BMPR1B: variants seen among roughly 807,000 people sequenced by gnomAD.
The protein encoded by BMPR1B is bone morphogenetic protein receptor type-1B.
BMPR1B carries 12 observed loss-of-function variants against 59.1 expected under a neutral mutation model. That is an observed-to-expected ratio of 0.20 (90% CI 0.13 to 0.33). The LOEUF (loss-of-function observed/expected upper bound fraction) is 0.33, where lower values mean the gene tolerates loss of function less well. Among genes scored for constraint, BMPR1B ranks in the 10% least tolerant of loss-of-function variants. BMPR1B has a pLI of 1.00. For synonymous variants in BMPR1B, 237 were observed against 207.3 expected (o/e 1.14, Z -1.23); for missense variants, 550 against 610.9 (o/e 0.90, Z 1.05).
At chr4:94,853,600 G>A (rs1725643744) in intron 1 of BMPR1B, among the ~76,000 whole-genome samples, 1 of 152,026 alleles carries the variant, frequency 6.6e-6, no homozygotes, top group African/African-American at 2.4e-5. Context: ...TTCAAAATAA[G>A]CTTTGTTGTT....
At chr4:94,912,810 GT>G (rs1474388330) in intron 2 of BMPR1B, among the ~76,000 whole-genome samples, 19 of 152,096 alleles carry the variant, frequency 1.2e-4, no homozygotes, top group Non-Finnish European at 4.4e-5. Context: ...TGATTTGAGT[GT>G]TATTACAACT....
chr4:94,963,759 A>G (rs1447317320), intron 2 of BMPR1B, among the ~76,000 whole-genome samples: 1 of 152,066 alleles, frequency 6.6e-6, no homozygotes, highest in Non-Finnish European at 1.5e-5. Context: ...ATAATTTGAA[A>G]TCAGGTAACG....
intron 1 of BMPR1B, among the ~76,000 whole-genome samples, chr4:94,839,988 T>A (rs1219371671): frequency 6.7e-6 from 1 of 148,724 alleles, no homozygotes; most frequent in Non-Finnish European, 1.5e-5. Context: ...ATTTGCTTGT[T>A]TGTAAAGTAT....
intron 2 of BMPR1B, among the ~76,000 whole-genome samples, chr4:94,987,099 CTATATATGTATATATAATATGTATATA>C (rs1217204768): frequency 7.0e-6 from 1 of 143,686 alleles, no homozygotes; most frequent in Non-Finnish European, 1.5e-5. Flanking sequence ...ATTATATATA[CTATATATGTATATATAATATGTATATA>C]TGTATATGTA....
intron 3 of BMPR1B, among the ~76,000 whole-genome samples, chr4:95,097,008 TTGTA>T (rs1214451379): frequency 6.9e-6 from 1 of 144,404 alleles, no homozygotes; most frequent in Admixed American, 7.1e-5. Flanking sequence ...ATGATATAAA[TTGTA>T]TATTATATAT....
chr4:94,960,082 G>A (rs1300405164), intron 2 of BMPR1B, among the ~76,000 whole-genome samples: 2 of 151,638 alleles, frequency 1.3e-5, no homozygotes, highest in African/African-American at 2.4e-5. Flanking sequence ...AGAACTATCC[G>A]GGATGCTTTT....
chr4:94,777,014 A>G (rs776953197), intron 1 of BMPR1B, among the ~76,000 whole-genome samples: 5 of 152,044 alleles, frequency 3.3e-5, no homozygotes, highest in Non-Finnish European at 7.4e-5. Context: ...ATCATTACAT[A>G]TTTTTCAAAA....
intron 2 of BMPR1B, among the ~76,000 whole-genome samples, chr4:94,977,073 T>C (rs1299177874): frequency 6.6e-6 from 1 of 152,230 alleles, no homozygotes; most frequent in Admixed American, 6.5e-5. Context: ...TTTTAAAATT[T>C]TGAGGGTGTC....
rs576616349 is a variant in BMPR1B at position 94,860,974 on chromosome 4, T to A, written c.-182-14857T>A. The stretch of plus-strand genomic sequence containing the variant: ...TCTTGAGGTAGTATAGTGCTGTGAT[T>A]AAGATAAAAGTTGGCTTTTATATGT... On this transcript the variant is annotated intron_variant, in intron 1 of 12. Transcript: ENST00000515059. 5.2e-3 allele frequency among the ~76,000 whole-genome samples: 689 copies of A among 133,258 alleles called. 16 individuals are homozygous for A. Among genetic ancestry groups the A allele is most frequent in the Middle Eastern group, 7.0e-3 (2 of 284 alleles). The allele number at this position is 133,258 out of a possible 152,430, so 87.4% of individuals were successfully genotyped here. A position where few individuals can be genotyped will look rare whatever the true frequency, so the allele number is the denominator to read the frequency against.
At chr4:94,923,316 C>A (rs1483915107) in intron 2 of BMPR1B, among the ~76,000 whole-genome samples, 1 of 152,028 alleles carries the variant, frequency 6.6e-6, no homozygotes, top group African/African-American at 2.4e-5. Flanking sequence ...TAGTACCTAT[C>A]CCACAGTCAC....
chr4:94,798,720 C>A (rs773222699), intron 1 of BMPR1B, among the ~76,000 whole-genome samples: 3 of 152,078 alleles, frequency 2.0e-5, no homozygotes, highest in Non-Finnish European at 2.9e-5. Context: ...AATCAGGGCT[C>A]TGATAAACTG....
At chr4:95,084,936 A>T (rs762615782) in intron 3 of BMPR1B, among the ~76,000 whole-genome samples, 1 of 152,154 alleles carries the variant, frequency 6.6e-6, no homozygotes, top group Non-Finnish European at 1.5e-5. Flanking sequence ...TGATTCCTAC[A>T]CCTGCTTGGA....
intron 8 of BMPR1B, among the ~76,000 whole-genome samples, chr4:95,128,965 AT>A (rs570085695): frequency 1.9e-4 from 28 of 146,696 alleles, no homozygotes; most frequent in Admixed American, 1.2e-3. Flanking sequence ...CTCTCCCTCC[AT>A]TTTTTTTTGT....
intron 3 of BMPR1B, among the ~76,000 whole-genome samples, chr4:95,096,830 TTATA>T (rs1730435474): frequency 7.1e-6 from 1 of 140,914 alleles, no homozygotes; most frequent in Non-Finnish European, 1.5e-5. Context: ...ATATTTATAT[TTATA>T]TATAAATATA....
chr4:94,882,809 T>G (rs184466721), intron 2 of BMPR1B, among the ~76,000 whole-genome samples: 1 of 152,308 alleles, frequency 6.6e-6, no homozygotes, highest in East Asian at 1.9e-4. Flanking sequence ...GTTTTCATGG[T>G]TTCAAATGTG....
chr4:94,840,060 T>G (rs1322866025), intron 1 of BMPR1B, among the ~76,000 whole-genome samples: 1 of 151,750 alleles, frequency 6.6e-6, no homozygotes, highest in Admixed American at 6.6e-5. Context: ...TGTTGAACAT[T>G]CTTTTCTTTA....
At position 94,908,872 on chromosome 4, in the gene BMPR1B, C is replaced by T. The variant is rs568345875; in HGVS notation, c.-113+32972C>T. 4.0e-4 allele frequency among the ~76,000 whole-genome samples: 61 copies of T among 152,116 alleles called. 1 individual carries two copies. The South Asian group carries it at 0.012, about 31-fold the overall frequency. On this transcript the variant is annotated intron_variant, in intron 2 of 12. Transcript: ENST00000515059. ...CATGACCTTACTCTGTGTCACTGTC[C>T]TAGGACTGCCGTAAGAAATTACTAC...
At chr4:94,842,729 G>T (rs2148937239) in intron 1 of BMPR1B, among the ~76,000 whole-genome samples, 1 of 152,158 alleles carries the variant, frequency 6.6e-6, no homozygotes, top group East Asian at 1.9e-4. Context: ...TTGAGCTGCA[G>T]GACAATTTGA....
At chr4:95,073,209 T>C (rs1056622088) in intron 3 of BMPR1B, among the ~76,000 whole-genome samples, 2 of 152,174 alleles carry the variant, frequency 1.3e-5, no homozygotes, top group Non-Finnish European at 2.9e-5. Context: ...GATTTGTTCT[T>C]AGTAAGTTAA....
Sources: gnomAD v4.1 joint callset for allele counts (sites outside exome capture counted in the v4.1 genomes callset) on GRCh38, gnomAD v4.1.1 for gene constraint, MANE v1.5 for transcripts, NCBI Gene and HGNC (gene_info 2026-07-23, HGNC 2026-07-21) for gene names.